Variants in AUTS2 observed in about 807,000 individuals in gnomAD.
AUTS2 encodes the protein activator of transcription and developmental regulator AUTS2, also known as autism susceptibility gene 2 protein.
AUTS2 carries 17 observed loss-of-function variants against 112.4 expected under a neutral mutation model. The ratio of observed to expected loss-of-function variants is 0.15; its 90% CI spans 0.10 to 0.23. AUTS2 has a LOEUF of 0.23. Among genes scored for constraint, AUTS2 ranks in the 10% least tolerant of loss-of-function variants. The pLI, the probability that AUTS2 is intolerant of heterozygous loss-of-function variation, is 1.00. For missense variants in AUTS2, 1,510 were observed against 1,701.6 expected (o/e 0.89, Z 1.98); for synonymous variants, 751 against 702.7 (o/e 1.07, Z -1.09).
At chr7:70,685,875 A>G (rs1808450344) in intron 5 of AUTS2, among the ~76,000 whole-genome samples, 1 of 152,186 alleles carries the variant, frequency 6.6e-6, no homozygotes, top group South Asian at 2.1e-4. Flanking sequence ...AGATGGTCGC[A>G]TCCCTACCAG....
intron 1 of AUTS2, among the ~76,000 whole-genome samples, chr7:69,783,612 T>G (rs966219276): frequency 6.6e-6 from 1 of 152,156 alleles, no homozygotes; most frequent in African/African-American, 2.4e-5. Flanking sequence ...AGGGAAGGAC[T>G]TCCTGTGAAA....
intron 4 of AUTS2, among the ~76,000 whole-genome samples, chr7:70,222,899 T>C (rs1284915283): frequency 1.3e-5 from 2 of 151,664 alleles, no homozygotes; most frequent in African/African-American, 4.8e-5. Flanking sequence ...TTTTTTTTTT[T>C]TTTTTTGAGA....
intron 2 of AUTS2, among the ~76,000 whole-genome samples, chr7:69,943,661 T>C (rs1331883069): frequency 6.6e-6 from 1 of 152,208 alleles, no homozygotes; most frequent in Non-Finnish European, 1.5e-5. Context: ...ACTGAAAACA[T>C]CTTCATTTGG....
intron 5 of AUTS2, among the ~76,000 whole-genome samples, chr7:70,455,012 A>C (rs1019757271): frequency 6.6e-6 from 1 of 152,034 alleles, no homozygotes; most frequent in South Asian, 2.1e-4. Context: ...ACCCTTGTTG[A>C]TTCTTTGCTT....
At chr7:70,495,642 C>T (rs1798431794) in intron 5 of AUTS2, among the ~76,000 whole-genome samples, 1 of 146,688 alleles carries the variant, frequency 6.8e-6, no homozygotes, top group Non-Finnish European at 1.5e-5. Context: ...CCCACACATG[C>T]ACACGTCACA....
chr7:70,069,002 G>A (rs532572400), intron 2 of AUTS2, among the ~76,000 whole-genome samples: 90 of 152,282 alleles, frequency 5.9e-4, no homozygotes, highest in African/African-American at 1.9e-3. Flanking sequence ...ATCTTAATGC[G>A]TCCATATAAT....
At chr7:69,807,316 T>G (rs1790352272) in intron 1 of AUTS2, among the ~76,000 whole-genome samples, 1 of 152,194 alleles carries the variant, frequency 6.6e-6, no homozygotes, top group Non-Finnish European at 1.5e-5. Flanking sequence ...AATTCTGATT[T>G]TTTAGGTGTA....
intron 5 of AUTS2, among the ~76,000 whole-genome samples, chr7:70,602,833 C>T (rs1460424598): frequency 1.3e-5 from 2 of 152,146 alleles, no homozygotes; most frequent in Non-Finnish European, 2.9e-5. Context: ...TTCGTCTGTT[C>T]GCCCTGAGTT....
At chr7:70,142,818 A>AG (rs1227660942) in intron 4 of AUTS2, among the ~76,000 whole-genome samples, 8 of 152,160 alleles carry the variant, frequency 5.3e-5, no homozygotes, top group African/African-American at 1.9e-4. Context: ...ATTGGCTTTA[A>AG]GGAAGGTTGT....
chr7:69,791,432 A>G (rs759561386), intron 1 of AUTS2, among the ~76,000 whole-genome samples: 12 of 152,244 alleles, frequency 7.9e-5, no homozygotes, highest in Non-Finnish European at 8.8e-5. Flanking sequence ...ATATTTAAGT[A>G]TCACAAATCA....
chr7:70,648,605 A>G (rs910220811), intron 5 of AUTS2, among the ~76,000 whole-genome samples: 3 of 151,242 alleles, frequency 2.0e-5, no homozygotes, highest in Admixed American at 1.3e-4. Flanking sequence ...GTTTTTTGAG[A>G]CAGTCTCACT....
rs549337634 is a variant in AUTS2, at chr7:69,831,051, A to G, written c.310-68235A>G. Among the ~76,000 whole-genome samples the G allele has an allele frequency of 2.6e-5, 4 of 152,336 alleles. No individual in the cohort carries two copies. The East Asian group carries it at 7.7e-4, about 29-fold the overall frequency. ...TAGACAGCCTGGTACTGGAGTCAGT[A>G]TTCAACAGTGAAATTCTGGGGTATA... On this transcript the variant is annotated intron_variant, in intron 1 of 18. Coordinates refer to ENST00000342771, the MANE Select transcript of AUTS2 (RefSeq NM_015570.4).
At chr7:70,418,972 T>C (rs1795102544) in intron 4 of AUTS2, among the ~76,000 whole-genome samples, 1 of 152,170 alleles carries the variant, frequency 6.6e-6, no homozygotes. Flanking sequence ...GTTTTTAATG[T>C]ATTTTCTCCT....
At chr7:70,616,418 G>A (rs1281709440) in intron 5 of AUTS2, among the ~76,000 whole-genome samples, 4 of 152,230 alleles carry the variant, frequency 2.6e-5, no homozygotes, top group African/African-American at 9.6e-5. Flanking sequence ...CCCTGGCTGA[G>A]TGCTGAGGTA....
intron 1 of AUTS2, among the ~76,000 whole-genome samples, chr7:69,607,731 A>G (rs1298584346): frequency 6.6e-6 from 1 of 152,228 alleles, no homozygotes; most frequent in Non-Finnish European, 1.5e-5. Context: ...GGAGCCCTGG[A>G]AAACCCATGT....
chr7:70,710,132 CTG>C (rs1222565481), intron 6 of AUTS2, among the ~76,000 whole-genome samples: 1 of 149,960 alleles, frequency 6.7e-6, no homozygotes, highest in Non-Finnish European at 1.5e-5. Flanking sequence ...TAAAACCCCA[CTG>C]TATATATAAG....
intron 6 of AUTS2, among the ~76,000 whole-genome samples, chr7:70,728,430 G>A (rs1787158945): frequency 6.6e-6 from 1 of 151,968 alleles, no homozygotes; most frequent in Non-Finnish European, 1.5e-5. Flanking sequence ...TGGAGGCCGG[G>A]CATGGTGGTG....
At chr7:70,568,296 T>G (rs1321075219) in intron 5 of AUTS2, among the ~76,000 whole-genome samples, 5 of 152,216 alleles carry the variant, frequency 3.3e-5, no homozygotes, top group African/African-American at 1.2e-4. Flanking sequence ...CTGTGTGACC[T>G]TGAGCAGTTT....
chr7:69,715,566 C>G (rs1006394536), intron 1 of AUTS2, among the ~76,000 whole-genome samples: 1 of 152,116 alleles, frequency 6.6e-6, no homozygotes, highest in African/African-American at 2.4e-5. Flanking sequence ...CAGCCCTGTT[C>G]CCATCAGAAA....
Sources: allele counts gnomAD v4.1 joint callset (sites outside exome capture counted in the v4.1 genomes callset), GRCh38; gene constraint gnomAD v4.1.1; transcripts MANE v1.5; gene names NCBI Gene and HGNC (gene_info 2026-07-23, HGNC 2026-07-21).